Variants in AUTS2 observed in about 807,000 individuals in gnomAD.
AUTS2 encodes the protein activator of transcription and developmental regulator AUTS2.
In AUTS2, 17 loss-of-function variants were observed where a neutral mutation model predicts 112.4. The ratio of observed to expected loss-of-function variants is 0.15; its 90% CI spans 0.10 to 0.23. The LOEUF (loss-of-function observed/expected upper bound fraction) is 0.23, where lower values mean the gene tolerates loss of function less well. AUTS2 is among the 10% of genes least tolerant of loss of function. The pLI is 1.00. For synonymous variants in AUTS2, 751 were observed against 702.7 expected (o/e 1.07, Z -1.09); for missense variants, 1,510 against 1,701.6 (o/e 0.89, Z 1.98).
At chr7:70,743,431 T>C (rs1235858823) in intron 6 of AUTS2, among the ~76,000 whole-genome samples, 1 of 135,828 alleles carries the variant, frequency 7.4e-6, no homozygotes, top group Non-Finnish European at 1.5e-5. Context: ...ATTGCGCCAC[T>C]GTACTCCAGC....
At chr7:70,413,688 G>C (rs1033904624) in intron 4 of AUTS2, among the ~76,000 whole-genome samples, 3 of 151,696 alleles carry the variant, frequency 2.0e-5, no homozygotes, top group African/African-American at 7.3e-5. Flanking sequence ...GTTTTGTTTT[G>C]TTTTTTTGAG....
At chr7:69,901,546 C>G (rs1397099186) in intron 2 of AUTS2, among the ~76,000 whole-genome samples, 1 of 152,184 alleles carries the variant, frequency 6.6e-6, no homozygotes, top group Non-Finnish European at 1.5e-5. Flanking sequence ...ATGGCCAACT[C>G]TCTTGTACTA....
intron 6 of AUTS2, among the ~76,000 whole-genome samples, chr7:70,724,593 C>T (rs1786909159): frequency 6.6e-6 from 1 of 152,006 alleles, no homozygotes; most frequent in Non-Finnish European, 1.5e-5. Flanking sequence ...CTACAGGCGT[C>T]TACCACCACG....
chr7:70,048,194 T>C (rs1250577270), intron 2 of AUTS2, among the ~76,000 whole-genome samples: 1 of 152,220 alleles, frequency 6.6e-6, no homozygotes, highest in Non-Finnish European at 1.5e-5. Flanking sequence ...AAGTTAATGC[T>C]GTTCTCTCTC....
At chr7:70,377,325 A>AATATATATATATATATATATATAT (rs58244266) in intron 4 of AUTS2, among the ~76,000 whole-genome samples, 1 of 52,060 alleles carries the variant, frequency 1.9e-5, no homozygotes, top group Non-Finnish European at 3.7e-5. Flanking sequence ...AACAAATATA[A>AATATATATATATATATATATATAT]ATATATATAT....
At position 70,118,245 on chromosome 7, in the gene AUTS2, TAAAAAAAAA is replaced by T; in HGVS notation, c.624+26_624+34del. ...AAAGGCTCAGTGATGTAAGTTTAAGTAAAAAAAAAAAAAAAAAAAAAATTAACGAAAACC... is the reference window on the plus strand; with the variant it reads ...AAAGGCTCAGTGATGTAAGTTTAAGTAAAAAAAAAAAAATTAACGAAAACC... On this transcript the variant is annotated intron_variant, in intron 3 of 18. Coordinates refer to ENST00000342771, the MANE Select transcript of AUTS2 (RefSeq NM_015570.4). 2.3e-6 allele frequency: 3 copies of T among 1,322,586 alleles called. No homozygotes were observed. Among genetic ancestry groups the T allele is most frequent in the Admixed American group, 3.4e-5 (1 of 29,116 alleles). 81.9% of individuals were successfully genotyped at this position (1,322,586 alleles called of 1,614,324 possible).
intron 5 of AUTS2, among the ~76,000 whole-genome samples, chr7:70,565,592 A>G (rs1801675577): frequency 6.6e-6 from 1 of 152,192 alleles, no homozygotes; most frequent in Non-Finnish European, 1.5e-5. Flanking sequence ...AGGCAGCAGG[A>G]TTGCCTGAGC....
At chr7:70,212,509 T>C (rs1193551810) in intron 4 of AUTS2, among the ~76,000 whole-genome samples, 1 of 152,220 alleles carries the variant, frequency 6.6e-6, no homozygotes, top group Non-Finnish European at 1.5e-5. Flanking sequence ...TTTATTTCTG[T>C]TTCCTCAAAT....
intron 1 of AUTS2, among the ~76,000 whole-genome samples, chr7:69,753,733 G>T (rs1461287339): frequency 6.6e-6 from 1 of 152,190 alleles, no homozygotes; most frequent in Non-Finnish European, 1.5e-5. Flanking sequence ...TAAAGGCTCA[G>T]GAAATAACTT....
chr7:69,960,237 G>C (rs1378360069), intron 2 of AUTS2, among the ~76,000 whole-genome samples: 1 of 152,076 alleles, frequency 6.6e-6, no homozygotes, highest in South Asian at 2.1e-4. Flanking sequence ...TAATTGCTGC[G>C]CTCTAAGTAG....
At chr7:70,030,059 C>G (rs1051014643) in intron 2 of AUTS2, among the ~76,000 whole-genome samples, 1 of 152,172 alleles carries the variant, frequency 6.6e-6, no homozygotes, top group Admixed American at 6.5e-5. Context: ...AGATTACTCA[C>G]AAGTTCAGTG....
intron 1 of AUTS2, among the ~76,000 whole-genome samples, chr7:69,697,638 C>T (rs1431390619): frequency 2.6e-5 from 4 of 152,320 alleles, no homozygotes; most frequent in East Asian, 3.9e-4. Flanking sequence ...AGTTTCCTCT[C>T]GTCCTTGACT....
chr7:70,705,286 A>C (rs1222005864), intron 6 of AUTS2, among the ~76,000 whole-genome samples: 1 of 152,250 alleles, frequency 6.6e-6, no homozygotes, highest in East Asian at 1.9e-4. Context: ...TTATGAATCC[A>C]GTGACTGTAC....
intron 1 of AUTS2, among the ~76,000 whole-genome samples, chr7:69,743,129 G>C (rs1787339058): frequency 6.6e-6 from 1 of 152,230 alleles, no homozygotes; most frequent in African/African-American, 2.4e-5. Context: ...AAAATTGTTT[G>C]CTCTGGTTTT....
chr7:70,557,453 G>A (rs752535396), intron 5 of AUTS2, among the ~76,000 whole-genome samples: 9 of 152,178 alleles, frequency 5.9e-5, no homozygotes, highest in East Asian at 1.9e-4. Context: ...ATATTCTGGC[G>A]GCATAGTCAG....
At chr7:69,992,860 G>A (rs571809111) in intron 2 of AUTS2, among the ~76,000 whole-genome samples, 1 of 152,290 alleles carries the variant, frequency 6.6e-6, no homozygotes, top group Admixed American at 6.5e-5. Flanking sequence ...ACTCCAGCCT[G>A]GGTTACAAAG....
chr7:70,238,901 A>G (rs1387442950), intron 4 of AUTS2, among the ~76,000 whole-genome samples: 1 of 151,996 alleles, frequency 6.6e-6, no homozygotes, highest in African/African-American at 2.4e-5. Context: ...TATAGGCCTG[A>G]TCAGACAGAT....
chr7:70,524,657 G>A (rs560070647), intron 5 of AUTS2, among the ~76,000 whole-genome samples: 127 of 152,292 alleles, frequency 8.3e-4, no homozygotes, highest in African/African-American at 2.9e-3. Flanking sequence ...GGCTTTCCAG[G>A]CAGCCTCACA....
chr7:69,817,644 C>A (rs1790820550), intron 1 of AUTS2, among the ~76,000 whole-genome samples: 1 of 152,068 alleles, frequency 6.6e-6, no homozygotes, highest in African/African-American at 2.4e-5. Context: ...TGAGTTGGAC[C>A]TGAAAGAAAT....
Sources: gnomAD v4.1 joint callset for allele counts (sites outside exome capture counted in the v4.1 genomes callset) on GRCh38, gnomAD v4.1.1 for gene constraint, MANE v1.5 for transcripts, NCBI Gene and HGNC (gene_info 2026-07-23, HGNC 2026-07-21) for gene names.